The following NIPAL3 variants were observed in gnomAD, a reference collection of about 807,000 sequenced individuals.
NIPAL3 encodes NIPA like domain containing 3, also known as NIPA-like protein 3.
Under a neutral mutation model 47.2 loss-of-function variants are expected in NIPAL3, and 41 were observed. The ratio of observed to expected loss-of-function variants is 0.87; its 90% CI spans 0.68 to 1.13. The LOEUF is 1.13. NIPAL3 is among the 50% of genes most tolerant of loss of function. The pLI, the probability that NIPAL3 is intolerant of heterozygous loss-of-function variation, is 0.00. For synonymous variants in NIPAL3, 194 were observed against 209.6 expected (o/e 0.93, Z 0.64); for missense variants, 449 against 530.1 (o/e 0.85, Z 1.50).
At chr1:24,442,378 G>A (rs1557510487) in intron 4 of NIPAL3, 152 bp downstream of exon 4, 1 of 731,458 alleles carries the variant, frequency 1.4e-6, no homozygotes, top group South Asian at 2.3e-5. Context: ...ACCAGGCCCT[G>A]TAAGTGCTTA....
intron 2 of NIPAL3, among the ~76,000 whole-genome samples, chr1:24,429,307 G>C (rs1363483434): frequency 1.3e-5 from 2 of 151,554 alleles, no homozygotes; most frequent in African/African-American, 4.9e-5. Context: ...AGCTACTCAG[G>C]AGGCCGAGGC....
At position 24,458,985 on chromosome 1, in the gene NIPAL3, G is replaced by A. The variant is rs2148848839; in HGVS notation, c.862+9G>A. 6.2e-7 allele frequency: 1 copy of A among 1,612,122 alleles called. No individual in the cohort carries two copies. The highest frequency in any genetic ancestry group is 8.5e-7 in the Non-Finnish European group (1 of 1,178,318). ...CATTGCTATCACAGCAGGTAAGGGT[G>A]ACCCATTGCTAGATTTCTGTCTTCT... is the stretch of plus-strand genomic sequence containing the variant. On this transcript the variant is annotated intron_variant, in intron 9 of 11. Transcript: ENST00000374399.
Position 24,469,123 on chromosome 1 carries a change from C to T in NIPAL3, c.1159C>T (p.His387Tyr), listed in dbSNP as rs1458450258. 1 of 1,614,120 alleles carries T rather than the reference C, an allele frequency of 6.2e-7. No homozygotes were observed. Among genetic ancestry groups the T allele is most frequent in the Non-Finnish European group, 8.5e-7 (1 of 1,180,032 alleles). ...CACCCTGCCAGTCATGCAAGAAGAG[C>T]ACGGCTCCAGAAGTGCCTCTGGGGT... ...PATLPVMQEE[H>Y]GSRSASGVPY... is the part of the protein sequence containing the mutation. Residue 387 changes from histidine (H) to tyrosine (Y), a missense_variant, in exon 12 of 12, where the codon CAC becomes TAC. Coordinates refer to ENST00000374399, the MANE Select transcript of NIPAL3 (RefSeq NM_020448.5).
intron 5 of NIPAL3, among the ~76,000 whole-genome samples, chr1:24,446,549 A>C (rs1379581973): frequency 6.6e-6 from 1 of 151,554 alleles, no homozygotes; most frequent in Non-Finnish European, 1.5e-5. Flanking sequence ...TTCCTGCATT[A>C]GTTTGCTGAG....
chr1:24,446,307 G>A (rs980897241), intron 5 of NIPAL3, among the ~76,000 whole-genome samples: 3 of 152,094 alleles, frequency 2.0e-5, no homozygotes, highest in Non-Finnish European at 4.4e-5. Flanking sequence ...TGTGCAGGAT[G>A]TGCAGGTTTG....
intron 2 of NIPAL3, 102 bp downstream of exon 2, chr1:24,419,742 T>TTTCTAC: frequency 9.9e-7 from 1 of 1,008,216 alleles, no homozygotes; most frequent in Non-Finnish European, 1.5e-6. Context: ...TGCATGCCTG[T>TTTCTAC]CACTGGTAGA....
intron 2 of NIPAL3, among the ~76,000 whole-genome samples, chr1:24,435,947 G>T (rs1289106775): frequency 6.6e-6 from 1 of 152,148 alleles, no homozygotes; most frequent in African/African-American, 2.4e-5. Context: ...TTGGGTGTCT[G>T]GTGAGGGCGC....
chr1:24,426,956 G>C (rs1427666667), intron 2 of NIPAL3, among the ~76,000 whole-genome samples: 1 of 152,218 alleles, frequency 6.6e-6, no homozygotes, highest in Non-Finnish European at 1.5e-5. Flanking sequence ...CTTTGCTTAA[G>C]GGACAAAGTC....
intron 2 of NIPAL3, among the ~76,000 whole-genome samples, chr1:24,439,550 A>AT (rs1443852309): frequency 6.6e-6 from 1 of 151,762 alleles, no homozygotes; most frequent in Non-Finnish European, 1.5e-5. Context: ...TATTTTTTTC[A>AT]TTTTTTTCTC....
At chr1:24,448,150 A>G (rs942203168) in intron 5 of NIPAL3, among the ~76,000 whole-genome samples, 1 of 152,232 alleles carries the variant, frequency 6.6e-6, no homozygotes, top group African/African-American at 2.4e-5. Flanking sequence ...AAGATAAAAG[A>G]CATTTAACAT....
intron 2 of NIPAL3, among the ~76,000 whole-genome samples, chr1:24,428,599 A>C (rs1326945091): frequency 6.6e-6 from 1 of 152,084 alleles, no homozygotes; most frequent in African/African-American, 2.4e-5. Flanking sequence ...ACTTTGTTGA[A>C]CCTAAGCCTA....
intron 11 of NIPAL3, among the ~76,000 whole-genome samples, chr1:24,468,307 C>G (rs1442617235): frequency 1.3e-5 from 2 of 151,650 alleles, no homozygotes; most frequent in Non-Finnish European, 2.9e-5. Flanking sequence ...AGAGCAAGAC[C>G]CTGTCTCAAT....
intron 3 of NIPAL3, among the ~76,000 whole-genome samples, chr1:24,441,714 AC>A (rs1358147990): frequency 6.6e-6 from 1 of 152,140 alleles, no homozygotes; most frequent in Non-Finnish European, 1.5e-5. Flanking sequence ...TATGGCTCCC[AC>A]CCTGAGACTG....
intron 2 of NIPAL3, among the ~76,000 whole-genome samples, chr1:24,435,345 A>G (rs572290271): frequency 6.6e-6 from 1 of 152,348 alleles, no homozygotes; most frequent in East Asian, 1.9e-4. Flanking sequence ...GATATTTTAG[A>G]TCAAGCAAGT....
chr1:24,421,917 C>T (rs1277705296), intron 2 of NIPAL3: 2 of 152,220 alleles, frequency 1.3e-5, no homozygotes, highest in Non-Finnish European at 2.9e-5. Flanking sequence ...GCTGCAGAAC[C>T]CATGCTCCTA....
chr1:24,418,769 T>C (rs370924068), intron 1 of NIPAL3, among the ~76,000 whole-genome samples: 1 of 152,316 alleles, frequency 6.6e-6, no homozygotes, highest in Non-Finnish European at 1.5e-5. Flanking sequence ...ACACAGGTTT[T>C]CCACCTCCGA....
chr1:24,456,403 G>T, intron 8 of NIPAL3, 130 bp downstream of exon 8: 1 of 1,279,774 alleles, frequency 7.8e-7, no homozygotes, highest in Non-Finnish European at 1.1e-6. Flanking sequence ...CCAGCATGGA[G>T]AGAGGAGCTG....
Position 24,460,514 on chromosome 1 carries a change from A to C in NIPAL3, c.896A>C (p.Asp299Ala), listed in dbSNP as rs375724325. The C allele has an allele frequency of 6.3e-7, 1 of 1,584,558 alleles. No individual in the cohort carries two copies. The highest frequency in any genetic ancestry group is 8.6e-7 in the Non-Finnish European group (1 of 1,168,888). The change falls in exon 10 of 12, where the codon GAC becomes GCC. Residue 299 changes from aspartate to alanine, a missense_variant. Asp to Ala is a moderately radical substitution (Grantham distance 126, BLOSUM62 -2). Transcript: ENST00000374399. ...TTTTACCTGGACTTCATCGGGGAGGACGTGCTGCACATCTGCATGTTTGCA... is the reference window on the plus strand; with the variant it reads ...TTTTACCTGGACTTCATCGGGGAGGCCGTGCTGCACATCTGCATGTTTGCA... ...AIFYLDFIGEDVLHICMFALG... is the reference protein window; with the variant it reads ...AIFYLDFIGEAVLHICMFALG...
chr1:24,442,001 A>C, intron 3 of NIPAL3, 54 bp from the exon 4 acceptor site: 1 of 1,582,164 alleles, frequency 6.3e-7, no homozygotes, highest in Non-Finnish European at 8.6e-7. Flanking sequence ...CCTACATCAT[A>C]GCATTTTTTT....
Sources: allele counts gnomAD v4.1 joint callset (sites outside exome capture counted in the v4.1 genomes callset), GRCh38; gene constraint gnomAD v4.1.1; transcripts MANE v1.5; gene names NCBI Gene and HGNC (gene_info 2026-07-23, HGNC 2026-07-21).